Variants in RPH3AL observed in about 807,000 individuals in gnomAD.
The protein encoded by RPH3AL is rabphilin 3A like (without C2 domains), also known as rab effector Noc2.
A neutral mutation model predicts 43.1 loss-of-function variants in RPH3AL; 38 were observed. The observed-to-expected ratio is 0.88, with a 90% CI of 0.68 to 1.15. RPH3AL has a LOEUF of 1.15. RPH3AL is among the 50% of genes most tolerant of loss of function. The pLI is 0.00. For missense variants in RPH3AL, 462 were observed against 423.2 expected, an observed-to-expected ratio of 1.09 and a Z score of -0.81; for synonymous variants, 189 against 176.3, an observed-to-expected ratio of 1.07 and a Z score of -0.57.
intron 1 of RPH3AL, among the ~76,000 whole-genome samples, chr17:347,588 A>C (rs1353075112): frequency 6.6e-6 from 1 of 152,010 alleles, no homozygotes; most frequent in Admixed American, 6.6e-5. Context: ...TGTTCAAAAA[A>C]AAAACCAGCC....
At chr17:219,192 C>CTTTTTTTTTTTTTTT (rs796389217) in intron 8 of RPH3AL, among the ~76,000 whole-genome samples, 2 of 58,004 alleles carry the variant, frequency 3.4e-5, no homozygotes, top group African/African-American at 7.8e-5. Flanking sequence ...ATAAACAGCA[C>CTTTTTTTTTTTTTTT]TTTTTTTTTT....
intron 5 of RPH3AL, among the ~76,000 whole-genome samples, chr17:302,190 C>T (rs1042021042): frequency 6.6e-6 from 1 of 152,238 alleles, no homozygotes; most frequent in Admixed American, 6.5e-5. Flanking sequence ...CTGGACTGAG[C>T]CCGAGCTGCC....
At chr17:220,148 G>C (rs1238094053) in intron 7 of RPH3AL, among the ~76,000 whole-genome samples, 1 of 152,172 alleles carries the variant, frequency 6.6e-6, no homozygotes, top group East Asian at 1.9e-4. Context: ...CAACAGCTCT[G>C]AGGCCTCCAC....
At position 245,119 on chromosome 17, in the gene RPH3AL, G is replaced by T. The variant is rs913264652; in HGVS notation, c.613+1992C>A. 6.6e-6 allele frequency among the ~76,000 whole-genome samples: 1 copy of T among 151,396 alleles called. No individual in the cohort carries two copies. The highest frequency in any genetic ancestry group is 6.6e-5 in the Admixed American group (1 of 15,236). ...TAGACGTGTGTGTACATGTGGATGT[G>T]TGTGTGGATGTGTGTGTCCATGTGG... On this transcript the variant is annotated intron_variant, in intron 7 of 9. Transcript: ENST00000331302. This position sits in a 1 kb window ranked among gnomAD's most constrained non-coding sequence, Gnocchi z 5.9.
chr17:265,212 G>A (rs960846533), intron 6 of RPH3AL, among the ~76,000 whole-genome samples: 44 of 152,108 alleles, frequency 2.9e-4, no homozygotes, highest in African/African-American at 9.4e-4. Context: ...TAGGCTTCCC[G>A]AGTAGCTGGG....
chr17:245,467 G>A lies in RPH3AL; in HGVS notation c.613+1644C>T, dbSNP rs1411703909. On this transcript the variant is annotated intron_variant, in intron 7 of 9. Transcript: ENST00000331302. The surrounding 1 kb of genome is among the most constrained non-coding windows in gnomAD (Gnocchi z 5.9). The stretch of plus-strand genomic sequence containing the variant: ...TGTGTCAATGCGGTTGTGTTTGTGT[G>A]CGTGGATGTGAGTGTGTGTGTATGC... Among the ~76,000 whole-genome samples the A allele has an allele frequency of 1.3e-5, 2 of 151,090 alleles. No homozygotes were observed. Among genetic ancestry groups the A allele is most frequent in the African/African-American group, 4.9e-5 (2 of 41,066 alleles).
In RPH3AL at chr17:281,860, A is replaced by T; in HGVS notation, c.352-6T>A. 1 of 1,612,256 alleles carries T rather than the reference A, an allele frequency of 6.2e-7. No homozygotes were observed. The highest frequency in any genetic ancestry group is 8.5e-7 in the Non-Finnish European group (1 of 1,178,440). ...CCACATTTGGTGCAGACTTTCTACA[A>T]GAGAGAGGACATGGGGTTGTAAAGA... On this transcript the variant is annotated splice_polypyrimidine_tract_variant and splice_region_variant and intron_variant, in intron 5 of 9. Transcript: ENST00000331302.
intron 6 of RPH3AL, among the ~76,000 whole-genome samples, chr17:273,714 A>G (rs548530380): frequency 2.7e-4 from 41 of 152,260 alleles, no homozygotes; most frequent in African/African-American, 9.2e-4. Context: ...TTCTCTTTCA[A>G]TCCACAAACT....
rs868939204 is a variant in RPH3AL, at chr17:253,730, C to T, written c.439-6445G>A. ...GAGCCGCACGGCGTCTGTCCTTTTC[C>T]ATCCCTAGGAACGTGACTACCCTAC... is the stretch of plus-strand genomic sequence containing the variant. On this transcript the variant is annotated intron_variant, in intron 6 of 9. Transcript: ENST00000331302. 4.3e-3 allele frequency among the ~76,000 whole-genome samples: 512 copies of T among 118,594 alleles called. 27 individuals carry two copies. The highest frequency in any genetic ancestry group is 0.018 in the South Asian group (61 of 3,350). 77.8% of individuals were successfully genotyped at this position (118,594 alleles called of 152,430 possible).
At position 314,874 on chromosome 17, in the gene RPH3AL, T is replaced by C. The variant is rs71355213; in HGVS notation, c.351+4546A>G. Among the ~76,000 whole-genome samples the C allele has an allele frequency of 2.3e-3, 182 of 80,170 alleles. No homozygotes were observed. In the Middle Eastern group the frequency reaches 0.037, roughly 17 times the overall value. The allele number at this position is 80,170 out of a possible 152,430, so 52.6% of individuals were successfully genotyped here. ...CTGTAGTCCCTGTGCCCCACCTCCA[T>C]TGACCTGTAGTCTCTGTGCTCCACC... On this transcript the variant is annotated intron_variant, in intron 5 of 9. Coordinates refer to ENST00000331302, the MANE Select transcript of RPH3AL (RefSeq NM_006987.4).
At chr17:272,663 G>A (rs8070917) in intron 6 of RPH3AL, among the ~76,000 whole-genome samples, 1 of 138,700 alleles carries the variant, frequency 7.2e-6, no homozygotes, top group Non-Finnish European at 1.5e-5. Context: ...CTAAAATGAC[G>A]AGTTAATGGG....
At chr17:249,470 A>T (rs1420026343) in intron 6 of RPH3AL, among the ~76,000 whole-genome samples, 1 of 152,000 alleles carries the variant, frequency 6.6e-6, no homozygotes, top group Non-Finnish European at 1.5e-5. Flanking sequence ...CAGCCTCTCC[A>T]CAGAGGAGAG....
In RPH3AL at chr17:215,038, C is replaced by T. The variant is rs1018134172; in HGVS notation, c.876+616G>A. Among the ~76,000 whole-genome samples the T allele has an allele frequency of 3.3e-5, 5 of 152,190 alleles. No homozygotes were observed. The highest frequency in any genetic ancestry group is 1.2e-4 in the African/African-American group (5 of 41,456). ...CCTGTGGGTGGCTGCCGGGTGCCCTCCACACCCCGGGGACGGAGATCAGCT... is the reference window on the plus strand; with the variant it reads ...CCTGTGGGTGGCTGCCGGGTGCCCTTCACACCCCGGGGACGGAGATCAGCT... On this transcript the variant is annotated intron_variant, in intron 9 of 9. Transcript: ENST00000331302. This position sits in a 1 kb window ranked among gnomAD's most constrained non-coding sequence, Gnocchi z 4.1.
intron 6 of RPH3AL, among the ~76,000 whole-genome samples, chr17:252,021 G>C (rs940022007): frequency 6.6e-6 from 1 of 151,194 alleles, no homozygotes; most frequent in Non-Finnish European, 1.5e-5. Context: ...CACCCAGGAC[G>C]GAGTGCAGTG....
At position 219,617 on chromosome 17, in the gene RPH3AL, C is replaced by T. The variant is rs749021561; in HGVS notation, c.727+6G>A. The stretch of plus-strand genomic sequence containing the variant: ...CCAATAAGCAGCATTTCACTCCCCA[C>T]CTTACCTGACTCCTTCCAGGGTTTG... On this transcript the variant is annotated splice_donor_region_variant and intron_variant, in intron 8 of 9. Coordinates refer to ENST00000331302, the MANE Select transcript of RPH3AL (RefSeq NM_006987.4). The T allele has an allele frequency of 6.4e-6, 10 of 1,562,042 alleles. No homozygotes were observed. Among genetic ancestry groups the T allele is most frequent in the Non-Finnish European group, 8.7e-6 (10 of 1,144,782 alleles).
chr17:293,327 A>C (rs1056520083), intron 5 of RPH3AL, among the ~76,000 whole-genome samples: 36 of 152,192 alleles, frequency 2.4e-4, no homozygotes, highest in South Asian at 4.1e-4. Context: ...TCAGCTGTTG[A>C]CTATTAACAT....
intron 7 of RPH3AL, among the ~76,000 whole-genome samples, chr17:238,047 G>C (rs1017337780): frequency 5.3e-5 from 8 of 152,238 alleles, no homozygotes; most frequent in African/African-American, 1.9e-4. Flanking sequence ...GCAGAGGTGG[G>C]AGGATTGCTT....
chr17:259,164 C>T (rs2151568337), intron 6 of RPH3AL, among the ~76,000 whole-genome samples: 1 of 152,268 alleles, frequency 6.6e-6, no homozygotes, highest in Non-Finnish European at 1.5e-5. Context: ...TAAGAGCTCA[C>T]CCTGACCATC....
Position 321,385 on chromosome 17 carries a change from G to T in RPH3AL, c.108C>A (p.Tyr36Ter). 6.2e-7 allele frequency: 1 copy of T among 1,610,862 alleles called. No individual in the cohort carries two copies. Residue 36 changes from tyrosine (Y) to a stop codon, truncating the protein, a stop_gained, in exon 4 of 10, where the codon TAC becomes TAA. Coordinates refer to ENST00000331302, the MANE Select transcript of RPH3AL (RefSeq NM_006987.4). LOFTEE classifies it high-confidence loss of function. ...KLQTGWSVHT[Y>*]QTEKQRRKQH... ...GCTTCCTCCTCTGCTTCTCCGTCTG[G>T]TAGGTGTGCACGGACCAGCCCGTCT...
Sources: gnomAD v4.1 joint callset for allele counts (sites outside exome capture counted in the v4.1 genomes callset) on GRCh38, gnomAD v4.1.1 for gene constraint, Gnocchi (gnomAD v3.1) non-coding constraint, MANE v1.5 for transcripts, NCBI Gene and HGNC (gene_info 2026-07-23, HGNC 2026-07-21) for gene names.